The following KANK1 variants were observed in gnomAD, a reference collection of about 807,000 sequenced individuals.
The protein encoded by KANK1 is KN motif and ankyrin repeat domains 1.
KANK1 carries 109 observed loss-of-function variants against 106.2 expected under a neutral mutation model. That is an observed-to-expected ratio of 1.03 (90% confidence interval 0.88 to 1.20). The LOEUF is 1.20. KANK1 is among the 50% of genes most tolerant of loss of function. KANK1 has a pLI of 0.00. For synonymous variants in KANK1, 873 were observed against 652.2 expected (o/e 1.34, Z -5.16); for missense variants, 2,399 against 1,710.7 (o/e 1.40, Z -7.10).
chr9:589,570 C>T (rs568326883), intron 1 of KANK1, among the ~76,000 whole-genome samples: 1 of 152,058 alleles, frequency 6.6e-6, no homozygotes, highest in Admixed American at 6.5e-5. Flanking sequence ...CCAGGACTTC[C>T]GTGACTACAG....
intron 1 of KANK1, among the ~76,000 whole-genome samples, chr9:536,215 C>T (rs1404583241): frequency 6.6e-6 from 1 of 152,060 alleles, no homozygotes; most frequent in African/African-American, 2.4e-5. Flanking sequence ...GTGGCGGGCA[C>T]CTGTAATCCC....
intron 1 of KANK1, among the ~76,000 whole-genome samples, chr9:560,344 C>G (rs1178553465): frequency 1.3e-5 from 2 of 152,158 alleles, no homozygotes; most frequent in Non-Finnish European, 2.9e-5. Context: ...GAATGTGTTG[C>G]AGGTTGATTA....
At chr9:698,048 T>C (rs905069312) in intron 2 of KANK1, among the ~76,000 whole-genome samples, 1 of 152,128 alleles carries the variant, frequency 6.6e-6, no homozygotes, top group African/African-American at 2.4e-5. Context: ...AAGTTTTGCG[T>C]TTTCAGAGTA....
chr9:646,833 A>G (rs9408646), intron 1 of KANK1, among the ~76,000 whole-genome samples: 7,018 of 149,330 alleles, frequency 0.047, 258 homozygotes, highest in South Asian at 0.084. Flanking sequence ...GGATGGGACT[A>G]CAGGTGCATG....
rs1386422986 is a variant in KANK1, at chr9:517,210, TCTC to T, written c.-84+12459_-84+12461del. Among the ~76,000 whole-genome samples the T allele has an allele frequency of 2.0e-5, 3 of 151,760 alleles. 1 individual carries two copies. The highest frequency in any genetic ancestry group is 7.3e-5 in the African/African-American group (3 of 41,040). On this transcript the variant is annotated intron_variant, in intron 1 of 11. Coordinates refer to ENST00000382297, the MANE Select transcript of KANK1 (RefSeq NM_015158.5). ...TGCAACTTCCGACGGTTCAAGCAGT[TCTC>T]CTGCCTCAGCCTCCCAAGTAGTTGG...
intron 1 of KANK1, among the ~76,000 whole-genome samples, chr9:552,011 G>T (rs999276806): frequency 6.6e-6 from 1 of 152,090 alleles, no homozygotes; most frequent in African/African-American, 2.4e-5. Flanking sequence ...AGCTATGATC[G>T]CACCACTGTA....
chr9:651,812 T>C (rs1840940507), intron 1 of KANK1, among the ~76,000 whole-genome samples: 1 of 152,260 alleles, frequency 6.6e-6, no homozygotes, highest in East Asian at 1.9e-4. Context: ...TAGATAATGT[T>C]TGTATGATAT....
At chr9:520,244 G>A (rs1282723906) in intron 1 of KANK1, among the ~76,000 whole-genome samples, 1 of 151,786 alleles carries the variant, frequency 6.6e-6, no homozygotes, top group African/African-American at 2.4e-5. Flanking sequence ...AGGTGGAGGT[G>A]GGAGGATCAC....
chr9:526,367 T>G (rs1267706802), intron 1 of KANK1, among the ~76,000 whole-genome samples: 1 of 151,642 alleles, frequency 6.6e-6, no homozygotes, highest in Non-Finnish European at 1.5e-5. Context: ...GCAGCACACA[T>G]AAGACCATCA....
At chr9:744,962 G>A (rs974586082) in intron 11 of KANK1, 9 of 1,463,826 alleles carry the variant, frequency 6.1e-6, no homozygotes, top group Admixed American at 5.3e-5. Context: ...TGAGTGGGAA[G>A]GTGACTTCCC....
rs189306185 is a variant in KANK1 at position 519,693 on chromosome 9, C to T, written c.-84+14939C>T. Reference sequence around the variant, plus strand: ...GGTATGCCAGTTAAGTTTATAACCTCGATCCTTGTTTTATCCTCCATCAGT... The same window carrying T: ...GGTATGCCAGTTAAGTTTATAACCTTGATCCTTGTTTTATCCTCCATCAGT... On this transcript the variant is annotated intron_variant, in intron 1 of 11. Transcript: ENST00000382297. 3.6e-3 allele frequency among the ~76,000 whole-genome samples: 547 copies of T among 151,794 alleles called. 20 individuals are homozygous for T. The highest frequency in any genetic ancestry group is 0.012 in the African/African-American group (510 of 41,130).
At chr9:721,461 T>G (rs1829322578) in intron 3 of KANK1, among the ~76,000 whole-genome samples, 1 of 152,216 alleles carries the variant, frequency 6.6e-6, no homozygotes, top group Admixed American at 6.5e-5. Flanking sequence ...TTGCTGCACT[T>G]TATGCAAATA....
At chr9:730,962 G>A (rs1832077750) in intron 4 of KANK1, 196 bp from the exon 5 acceptor site, 2 of 387,654 alleles carry the variant, frequency 5.2e-6, no homozygotes, top group Non-Finnish European at 9.4e-6. Context: ...TTTCCCATGT[G>A]AAGAATGTTA....
At chr9:689,447 A>T (rs1819351392) in intron 2 of KANK1, among the ~76,000 whole-genome samples, 1 of 152,026 alleles carries the variant, frequency 6.6e-6, no homozygotes. Flanking sequence ...CTCCTTGGAA[A>T]ATCTCCCCTC....
At chr9:609,433 G>A (rs1247861649) in intron 1 of KANK1, among the ~76,000 whole-genome samples, 2 of 152,096 alleles carry the variant, frequency 1.3e-5, no homozygotes, top group African/African-American at 4.8e-5. Context: ...TTCAAAACCA[G>A]CCTGGCCAAC....
At chr9:668,475 A>AT (rs1289950933) in intron 1 of KANK1, among the ~76,000 whole-genome samples, 1 of 152,058 alleles carries the variant, frequency 6.6e-6, no homozygotes, top group Non-Finnish European at 1.5e-5. Flanking sequence ...TCTTTGTTAA[A>AT]TTTCTCTGAT....
At chr9:706,436 C>T (rs1273219839) in intron 2 of KANK1, among the ~76,000 whole-genome samples, 1 of 152,146 alleles carries the variant, frequency 6.6e-6, no homozygotes, top group Non-Finnish European at 1.5e-5. Context: ...GTCAGTTCAT[C>T]TTTCCTACTG....
At chr9:695,566 G>A (rs1421056626) in intron 2 of KANK1, among the ~76,000 whole-genome samples, 1 of 151,316 alleles carries the variant, frequency 6.6e-6, no homozygotes, top group Non-Finnish European at 1.5e-5. Context: ...AGACTTACTT[G>A]GTCTTGAACA....
At chr9:526,278 C>G (rs577856152) in intron 1 of KANK1, among the ~76,000 whole-genome samples, 2 of 151,672 alleles carry the variant, frequency 1.3e-5, no homozygotes, top group South Asian at 4.1e-4. Context: ...CAGGTAGGAG[C>G]TGGTGGGCAG....
Sources: gnomAD v4.1 joint callset for allele counts (sites outside exome capture counted in the v4.1 genomes callset) on GRCh38, gnomAD v4.1.1 for gene constraint, MANE v1.5 for transcripts, NCBI Gene and HGNC (gene_info 2026-07-23, HGNC 2026-07-21) for gene names.